PTK2: variants seen among roughly 807,000 people sequenced by gnomAD.
PTK2 encodes the protein protein tyrosine kinase 2.
Under a neutral mutation model 150.1 loss-of-function variants are expected in PTK2, and 45 were observed. The observed-to-expected ratio is 0.30, with a 90% confidence interval of 0.24 to 0.38. The LOEUF (loss-of-function observed/expected upper bound fraction) is 0.38, where lower values mean the gene tolerates loss of function less well. Ranked by LOEUF, PTK2 falls within the 10% of genes least tolerant of loss-of-function variation. PTK2 has a pLI of 1.00. For missense variants in PTK2, 919 were observed against 1,307.3 expected (o/e 0.70, Z 4.58); for synonymous variants, 432 against 449.2 (o/e 0.96, Z 0.48).
At chr8:140,794,999 G>C (rs568275641) in intron 12 of PTK2, among the ~76,000 whole-genome samples, 1 of 152,260 alleles carries the variant, frequency 6.6e-6, no homozygotes, top group East Asian at 1.9e-4. Context: ...AGTCATCACA[G>C]GGCCTTGCTG....
At position 140,664,901 on chromosome 8, in the gene PTK2, G is replaced by A; in HGVS notation, c.2946+16C>T. 1 of 1,611,310 alleles carries A rather than the reference G, an allele frequency of 6.2e-7. No homozygotes were observed. Among genetic ancestry groups the A allele is most frequent in the Non-Finnish European group, 8.5e-7 (1 of 1,178,528 alleles). ...GTGCTGTCACAGAGGGCTGCAAGGG[G>A]AAGATTGTGCCCTACCTCTCGGTGG... On this transcript the variant is annotated intron_variant, in intron 31 of 31. Coordinates refer to ENST00000522684, the Ensembl canonical transcript of PTK2.
At chr8:140,917,406 G>GAGGAAAAAGGAA (rs573172208) in intron 2 of PTK2, among the ~76,000 whole-genome samples, 7 of 152,046 alleles carry the variant, frequency 4.6e-5, no homozygotes, top group Middle Eastern at 6.8e-3. Context: ...GAGGAGAGGA[G>GAGGAAAAAGGAA]AGGAAAAAGG....
At chr8:140,763,980 T>A (rs565790000) in intron 15 of PTK2, among the ~76,000 whole-genome samples, 1 of 152,122 alleles carries the variant, frequency 6.6e-6, no homozygotes, top group Non-Finnish European at 1.5e-5. Flanking sequence ...GGTTCTATTA[T>A]GATAGAGTCA....
intron 16 of PTK2, among the ~76,000 whole-genome samples, chr8:140,756,875 G>T (rs1431064740): frequency 6.6e-6 from 1 of 151,560 alleles, no homozygotes; most frequent in African/African-American, 2.4e-5. Flanking sequence ...TGTAGTCCCA[G>T]CTACTCGGGA....
intron 1 of PTK2, among the ~76,000 whole-genome samples, chr8:140,988,962 T>G (rs1158013861): frequency 6.6e-6 from 1 of 151,634 alleles, no homozygotes; most frequent in East Asian, 1.9e-4. Flanking sequence ...TATTAAACAT[T>G]TAGAAAATAA....
chr8:140,697,966 A>G (rs1375760317), intron 26 of PTK2, among the ~76,000 whole-genome samples: 1 of 142,282 alleles, frequency 7.0e-6, no homozygotes, highest in African/African-American at 2.6e-5. Flanking sequence ...AGAAGCTGAG[A>G]TTATAGTCAC....
At chr8:140,958,248 C>T (rs1055279934) in intron 1 of PTK2, among the ~76,000 whole-genome samples, 15 of 152,180 alleles carry the variant, frequency 9.9e-5, no homozygotes, top group African/African-American at 3.4e-4. Context: ...AGCAATCCTC[C>T]TGTCTCAGCC....
intron 2 of PTK2, among the ~76,000 whole-genome samples, chr8:140,909,919 T>C (rs746676601): frequency 5.9e-5 from 9 of 152,184 alleles, no homozygotes; most frequent in East Asian, 1.9e-4. Flanking sequence ...TCTGGTATAT[T>C]TGAAATGTAT....
chr8:140,882,923 A>G (rs1273407102), intron 3 of PTK2, among the ~76,000 whole-genome samples: 1 of 152,192 alleles, frequency 6.6e-6, no homozygotes, highest in East Asian at 1.9e-4. Flanking sequence ...TTTATCTCAC[A>G]TTAATGAATA....
At chr8:140,684,315 C>T (rs116393476) in intron 27 of PTK2, among the ~76,000 whole-genome samples, 237 of 152,306 alleles carry the variant, frequency 1.6e-3, no homozygotes, top group African/African-American at 5.4e-3. Context: ...CTCTCACATG[C>T]GCAGTTCACA....
At chr8:140,830,565 C>T in intron 7 of PTK2, 39 bp from the exon 8 acceptor site, 1 of 1,169,390 alleles carries the variant, frequency 8.6e-7, no homozygotes, top group South Asian at 1.5e-5. Flanking sequence ...AATAACACCA[C>T]CAAATCAATT....
chr8:140,708,832 T>G (rs1485635195), intron 23 of PTK2, among the ~76,000 whole-genome samples: 1 of 152,196 alleles, frequency 6.6e-6, no homozygotes, highest in South Asian at 2.1e-4. Flanking sequence ...ATATACGCAT[T>G]AATGATGGTT....
intron 29 of PTK2, chr8:140,670,013 G>A (rs1293079825): frequency 1.9e-5 from 8 of 429,248 alleles, no homozygotes; most frequent in Admixed American, 1.2e-4. Context: ...TGCAAAGCCC[G>A]AGGAACAATC....
intron 10 of PTK2, 21 bp downstream of exon 10, chr8:140,818,256 G>A (rs767982910): frequency 2.1e-5 from 34 of 1,596,410 alleles, no homozygotes; most frequent in South Asian, 1.2e-4. Context: ...CCAAGTTCCC[G>A]AAAGGTCAGA....
At chr8:140,884,128 A>C (rs762827847) in intron 3 of PTK2, among the ~76,000 whole-genome samples, 7 of 152,178 alleles carry the variant, frequency 4.6e-5, no homozygotes, top group Non-Finnish European at 1.0e-4. Context: ...CATCACGCCT[A>C]CAAGTCCCTC....
intron 7 of PTK2, 137 bp from the exon 8 acceptor site, chr8:140,830,663 C>T (rs1378233911): frequency 3.7e-6 from 2 of 540,038 alleles, no homozygotes; most frequent in Non-Finnish European, 6.4e-6. Context: ...TATAATAATG[C>T]TTTAATTTAC....
intron 1 of PTK2, among the ~76,000 whole-genome samples, chr8:140,994,048 C>A (rs2100196716): frequency 6.6e-6 from 1 of 152,118 alleles, no homozygotes; most frequent in African/African-American, 2.4e-5. Flanking sequence ...TGATTTTTGT[C>A]ATTTATCTGT....
intron 1 of PTK2, among the ~76,000 whole-genome samples, chr8:140,937,855 A>T (rs2100174232): frequency 2.0e-5 from 3 of 152,208 alleles, no homozygotes; most frequent in Admixed American, 2.0e-4. Flanking sequence ...TGGGAGGCTG[A>T]GGCAGGAGGA....
chr8:140,661,760 T>C (rs2080391322), intron 31 of PTK2, among the ~76,000 whole-genome samples: 1 of 151,418 alleles, frequency 6.6e-6, no homozygotes, highest in Non-Finnish European at 1.5e-5. Context: ...AAGGGGGAGT[T>C]AGGACTGAGG....
Sources: gnomAD v4.1 joint callset for allele counts (sites outside exome capture counted in the v4.1 genomes callset) on GRCh38, gnomAD v4.1.1 for gene constraint, MANE v1.5 for transcripts, NCBI Gene and HGNC (gene_info 2026-07-23, HGNC 2026-07-21) for gene names.